PVT1: variants seen among roughly 807,000 people sequenced by gnomAD.
The protein encoded by PVT1 is CXCR4/PVT1 fusion.
At position 127,903,718 on chromosome 8, in the gene PVT1, G is replaced by A. The variant is rs1815786941; in HGVS notation, n.782+12720G>A. Among the ~76,000 whole-genome samples the A allele has an allele frequency of 2.0e-5, 3 of 152,098 alleles. No individual in the cohort carries two copies. In the South Asian group the frequency reaches 6.2e-4, roughly 32 times the overall value. On this transcript the variant is annotated intron_variant and non_coding_transcript_variant, in intron 3 of 10. Coordinates refer to ENST00000651587, the Ensembl canonical transcript of PVT1. ...ATTGCCTCTTTTTGTCAAGTTTGTT[G>A]AAGATCAGATGGTTGTAGATAAGTG...
intron 4 of PVT1, among the ~76,000 whole-genome samples, chr8:127,998,845 T>TTCCTTCCTTCCTTCCTTCCC (rs1320470833): frequency 9.1e-6 from 1 of 109,814 alleles, no homozygotes; most frequent in South Asian, 3.4e-4. Context: ...CCTTCCTTCC[T>TTCCTTCCTTCCTTCCTTCCC]TCCCTCCCTC....
At chr8:127,978,414 C>T (rs1239052579) in intron 3 of PVT1, among the ~76,000 whole-genome samples, 1 of 151,952 alleles carries the variant, frequency 6.6e-6, no homozygotes, top group African/African-American at 2.4e-5. Context: ...CCTGCTTTGG[C>T]CTCCCAATGC....
intron 2 of PVT1, among the ~76,000 whole-genome samples, chr8:127,826,789 A>G (rs1434645882): frequency 1.3e-5 from 2 of 152,142 alleles, no homozygotes; most frequent in African/African-American, 2.4e-5. Context: ...TACCATGTGT[A>G]TCTTTTAGTT....
Position 128,067,554 on chromosome 8 carries a change from G to C in PVT1, n.913-2606G>C, listed in dbSNP as rs377391414. On this transcript the variant is annotated intron_variant and non_coding_transcript_variant, in intron 4 of 10. Transcript: ENST00000651587. ...AACACACAGGATGTCTTGGCAGGAT[G>C]AGACTAGGCAGCAATTCGACTTTAG... Among the ~76,000 whole-genome samples, 8 of 152,358 alleles carry C rather than the reference G, an allele frequency of 5.3e-5. 2 individuals are homozygous for C. The highest frequency in any genetic ancestry group is 1.3e-4 in the Admixed American group (2 of 15,300).
chr8:128,029,696 G>T (rs549987959), intron 4 of PVT1, among the ~76,000 whole-genome samples: 1 of 152,126 alleles, frequency 6.6e-6, no homozygotes, highest in Non-Finnish European at 1.5e-5. Context: ...CTACTCGGGA[G>T]GCTGAGGCAG....
At chr8:127,876,463 T>A (rs1815406434) in intron 2 of PVT1, among the ~76,000 whole-genome samples, 1 of 149,650 alleles carries the variant, frequency 6.7e-6, no homozygotes, top group African/African-American at 2.6e-5. Flanking sequence ...TTATTATATC[T>A]GACAGGTTTT....
intron 3 of PVT1, among the ~76,000 whole-genome samples, chr8:127,984,906 T>TTTC (rs1563657585): frequency 9.9e-6 from 1 of 100,850 alleles, no homozygotes; most frequent in East Asian, 2.4e-4. Context: ...TCTTTCTTTC[T>TTTC]TTCTTTCTTT....
At chr8:127,865,857 A>G (rs1380917262) in intron 2 of PVT1, among the ~76,000 whole-genome samples, 1 of 152,190 alleles carries the variant, frequency 6.6e-6, no homozygotes, top group Non-Finnish European at 1.5e-5. Context: ...AGGGCAGTCC[A>G]AGGGAAATGT....
At chr8:128,044,011 A>ATTTTTTTTTT (rs66807418) in intron 4 of PVT1, among the ~76,000 whole-genome samples, 7 of 97,910 alleles carry the variant, frequency 7.1e-5, no homozygotes, top group African/African-American at 1.0e-4. Context: ...ATTATTATTT[A>ATTTTTTTTTT]TTTATTTTTT....
At chr8:128,004,852 CA>C (rs752388828) in intron 4 of PVT1, among the ~76,000 whole-genome samples, 2 of 152,102 alleles carry the variant, frequency 1.3e-5, no homozygotes, top group Middle Eastern at 3.2e-3. Flanking sequence ...TTATAAAATA[CA>C]ACACAGGCTG....
At chr8:127,899,695 A>G (rs1815734753) in intron 3 of PVT1, among the ~76,000 whole-genome samples, 2 of 152,244 alleles carry the variant, frequency 1.3e-5, no homozygotes, top group South Asian at 4.2e-4. Context: ...GAGGGCATAG[A>G]GCACATTCCT....
intron 3 of PVT1, among the ~76,000 whole-genome samples, chr8:127,923,651 G>T (rs1020180680): frequency 6.6e-6 from 1 of 152,174 alleles, no homozygotes; most frequent in Non-Finnish European, 1.5e-5. Flanking sequence ...CATTAAAAGC[G>T]CTGAGACTCT....
At chr8:127,905,775 A>G (rs1214143969) in intron 3 of PVT1, among the ~76,000 whole-genome samples, 1 of 152,140 alleles carries the variant, frequency 6.6e-6, no homozygotes, top group Non-Finnish European at 1.5e-5. Flanking sequence ...TCAATCTCCC[A>G]TCTTGGATTT....
intron 4 of PVT1, among the ~76,000 whole-genome samples, chr8:128,016,294 GCGAGGATGGTAACCATTCTCT>G (rs1450173586): frequency 3.2e-4 from 47 of 148,688 alleles, no homozygotes; most frequent in African/African-American, 1.1e-3. Context: ...AAAAAAGGGG[GCGAGGATGGTAACCATTCTCT>G]GCCATAAATA....
At chr8:127,978,521 C>T (rs1284773816) in intron 3 of PVT1, among the ~76,000 whole-genome samples, 1 of 151,984 alleles carries the variant, frequency 6.6e-6, no homozygotes, top group Non-Finnish European at 1.5e-5. Flanking sequence ...CGCTCTGTTG[C>T]CCAGGCTGGA....
intron 4 of PVT1, among the ~76,000 whole-genome samples, chr8:128,029,137 G>T (rs1442036240): frequency 1.3e-5 from 2 of 151,366 alleles, no homozygotes; most frequent in Non-Finnish European, 2.9e-5. Flanking sequence ...CACCACCATG[G>T]CTGGCTAATT....
At chr8:127,808,057 C>T (rs550522372) in intron 2 of PVT1, among the ~76,000 whole-genome samples, 3 of 150,588 alleles carry the variant, frequency 2.0e-5, no homozygotes, top group East Asian at 2.0e-4. Flanking sequence ...CGTGAGCCAC[C>T]GGGCCCGGCT....
In PVT1 at chr8:127,902,650, A is replaced by G. The variant is rs142916758; in HGVS notation, n.782+11652A>G. Among the ~76,000 whole-genome samples, 165 of 151,744 alleles carry G rather than the reference A, an allele frequency of 1.1e-3. 1 individual carries two copies. The highest frequency in any genetic ancestry group is 1.9e-3 in the Non-Finnish European group (131 of 67,930). On this transcript the variant is annotated intron_variant and non_coding_transcript_variant, in intron 3 of 10. Transcript: ENST00000651587. ...CCATCTTTATGCCCATGTGTACCCA[A>G]TGTTTAGTTCCCACTTATAAGTGAG...
chr8:128,075,078 G>A (rs551861274), intron 5 of PVT1, among the ~76,000 whole-genome samples: 1 of 152,136 alleles, frequency 6.6e-6, no homozygotes, highest in African/African-American at 2.4e-5. Flanking sequence ...AGAGATCATG[G>A]ATATTACTTT....
Sources: gnomAD v4.1 joint callset for allele counts (sites outside exome capture counted in the v4.1 genomes callset) on GRCh38, gnomAD v4.1.1 for gene constraint, MANE v1.5 for transcripts, NCBI Gene and HGNC (gene_info 2026-07-23, HGNC 2026-07-21) for gene names.